MYO10: variants seen among roughly 807,000 people sequenced by gnomAD.
MYO10 encodes unconventional myosin-X.
In MYO10, 133 loss-of-function variants were observed where a neutral mutation model predicts 257.3. The ratio of observed to expected loss-of-function variants is 0.52; its 90% CI spans 0.45 to 0.60. The LOEUF (loss-of-function observed/expected upper bound fraction) is 0.60, where lower values mean the gene tolerates loss of function less well. MYO10 is among the 20% of genes least tolerant of loss of function. The probability of loss-of-function intolerance (pLI) is 0.00; values close to 1 mark genes in which losing one functional copy is unlikely to be tolerated. For missense variants in MYO10, 2,399 were observed against 2,635.7 expected, an observed-to-expected ratio of 0.91 and a Z score of 1.97; for synonymous variants, 1,104 against 1,028.6, an observed-to-expected ratio of 1.07 and a Z score of -1.40.
intron 1 of MYO10, among the ~76,000 whole-genome samples, chr5:16,904,884 A>G (rs959770028): frequency 1.3e-5 from 2 of 151,632 alleles, no homozygotes; most frequent in Non-Finnish European, 2.9e-5. Context: ...AGCCGAGATC[A>G]CACCACTGCA....
At chr5:16,784,101 C>G (rs1031392912) in intron 4 of MYO10, among the ~76,000 whole-genome samples, 5 of 152,084 alleles carry the variant, frequency 3.3e-5, no homozygotes, top group African/African-American at 4.8e-5. Flanking sequence ...AACAAAAAAT[C>G]CAGAGGGAAG....
At chr5:16,711,773 CAAAAAGAA>C (rs751767854) in intron 19 of MYO10, among the ~76,000 whole-genome samples, 35 of 148,952 alleles carry the variant, frequency 2.3e-4, no homozygotes, top group Middle Eastern at 3.5e-3. Context: ...TCTCAAAAAA[CAAAAAGAA>C]AAAAAGAAAA....
intron 1 of MYO10, among the ~76,000 whole-genome samples, chr5:16,914,374 C>T (rs980181594): frequency 1.3e-5 from 2 of 152,150 alleles, no homozygotes; most frequent in Non-Finnish European, 2.9e-5. Context: ...ACTAAGAAGC[C>T]TGCAAGCCCA....
At chr5:16,724,963 C>T (rs140669032) in intron 19 of MYO10, among the ~76,000 whole-genome samples, 49 of 151,978 alleles carry the variant, frequency 3.2e-4, no homozygotes, top group Admixed American at 7.9e-4. Context: ...GATAAATACA[C>T]GCACTGCTTT....
At chr5:16,863,949 T>C (rs866803881) in intron 2 of MYO10, among the ~76,000 whole-genome samples, 12 of 152,104 alleles carry the variant, frequency 7.9e-5, no homozygotes, top group Non-Finnish European at 1.0e-4. Flanking sequence ...TATACAAAAA[T>C]TAGCCAGGCT....
intron 11 of MYO10, among the ~76,000 whole-genome samples, 171 bp downstream of exon 11, chr5:16,765,909 T>C (rs1053939724): frequency 2.6e-5 from 4 of 152,224 alleles, no homozygotes; most frequent in African/African-American, 9.6e-5. Context: ...GCTTTGTCTA[T>C]TCCCAATCCT....
chr5:16,682,117 G>A lies in MYO10; in HGVS notation c.4047-104C>T, dbSNP rs117968407. ...GCCTTCTTCCTGGCTTCTGGGTCAC[G>A]GGATATACACTGCTAGGCTATCTGT... On this transcript the variant is annotated intron_variant, in intron 30 of 40. Transcript: ENST00000513610. 6.6e-4 allele frequency: 907 copies of A among 1,367,398 alleles called. 2 individuals are homozygous for A. The East Asian group carries it at 7.4e-3, about 11-fold the overall frequency. The allele number at this position is 1,367,398 out of a possible 1,614,324, so 84.7% of individuals were successfully genotyped here. A position where few individuals can be genotyped will look rare whatever the true frequency, so the allele number is the denominator to read the frequency against.
At chr5:16,915,486 C>T (rs898748704) in intron 1 of MYO10, among the ~76,000 whole-genome samples, 7 of 152,162 alleles carry the variant, frequency 4.6e-5, no homozygotes, top group African/African-American at 1.7e-4. Flanking sequence ...TGGTGTCCTC[C>T]GCATCCCCCT....
chr5:16,744,106 ATC>A, intron 19 of MYO10, among the ~76,000 whole-genome samples: 1 of 152,348 alleles, frequency 6.6e-6, no homozygotes, highest in South Asian at 2.1e-4. Flanking sequence ...CCTTATGACA[ATC>A]TGTCAGAAGT....
rs12516826 is a variant in MYO10, at chr5:16,735,558, T to C, written c.1929+19270A>G. On this transcript the variant is annotated intron_variant, in intron 19 of 40. Coordinates refer to ENST00000513610, the MANE Select transcript of MYO10 (RefSeq NM_012334.3). ...CATTTCCACCAAAAATAAACAAAAT[T>C]AGCTGGGTATGGTAGTGCATACTTG... Among the ~76,000 whole-genome samples, 869 of 151,786 alleles carry C rather than the reference T, an allele frequency of 5.7e-3. 22 individuals are homozygous for C. Among genetic ancestry groups the C allele is most frequent in the Admixed American group, 0.046 (694 of 15,212 alleles).
At chr5:16,828,742 T>A (rs1441185394) in intron 2 of MYO10, among the ~76,000 whole-genome samples, 4 of 151,984 alleles carry the variant, frequency 2.6e-5, no homozygotes. Flanking sequence ...TGTTTTGTTT[T>A]GTTTTGTTTT....
chr5:16,698,689 T>C (rs1211574038), intron 26 of MYO10, among the ~76,000 whole-genome samples: 1 of 145,712 alleles, frequency 6.9e-6, no homozygotes, highest in Non-Finnish European at 1.5e-5. Flanking sequence ...AGTGGCGCGA[T>C]CTCGGCTCAC....
At chr5:16,718,880 G>T (rs1038521309) in intron 19 of MYO10, among the ~76,000 whole-genome samples, 2 of 151,682 alleles carry the variant, frequency 1.3e-5, no homozygotes, top group Non-Finnish European at 2.9e-5. Flanking sequence ...TGATGGGGAC[G>T]TGGAGAACCT....
At chr5:16,811,785 A>C (rs183666160) in intron 3 of MYO10, among the ~76,000 whole-genome samples, 1 of 152,224 alleles carries the variant, frequency 6.6e-6, no homozygotes, top group East Asian at 1.9e-4. Flanking sequence ...TCATGGGCTC[A>C]AGCGATCCTC....
intron 40 of MYO10, 60 bp from the exon 41 acceptor site, chr5:16,666,853 T>G: frequency 3.7e-6 from 5 of 1,335,188 alleles, no homozygotes; most frequent in Admixed American, 2.0e-5. Flanking sequence ...CAAAGGGCCC[T>G]GCCTAATAAT....
chr5:16,902,701 G>A, intron 1 of MYO10: 1 of 859,580 alleles, frequency 1.2e-6, no homozygotes, highest in South Asian at 1.3e-5. Context: ...GTGGAGATGG[G>A]GTTTCAGTCA....
intron 2 of MYO10, among the ~76,000 whole-genome samples, chr5:16,874,833 C>G (rs1464458004): frequency 6.6e-6 from 1 of 152,126 alleles, no homozygotes; most frequent in Admixed American, 6.5e-5. Context: ...AGTATCCATG[C>G]CTGGTACCAA....
At chr5:16,764,005 G>A (rs576447346) in intron 12 of MYO10, among the ~76,000 whole-genome samples, 30 of 151,972 alleles carry the variant, frequency 2.0e-4, no homozygotes, top group African/African-American at 6.3e-4. Context: ...AAAATTAGCC[G>A]GCTGTGGTGG....
In MYO10 at chr5:16,754,926, T is replaced by C. The variant is rs1408007434; in HGVS notation, c.1849-18A>G. ...AGTGAGTCCTATTAGAAAAAGTATA[T>C]GTTGATTTAGTCTCTTATTATGTCA... On this transcript the variant is annotated intron_variant, in intron 18 of 40. Transcript: ENST00000513610. The C allele has an allele frequency of 6.6e-7, 1 of 1,515,646 alleles. No individual in the cohort carries two copies. The highest frequency in any genetic ancestry group is 1.7e-4 in the Middle Eastern group (1 of 5,826). The allele number at this position is 1,515,646 out of a possible 1,614,324, so 93.9% of individuals were successfully genotyped here. A position where few individuals can be genotyped will look rare whatever the true frequency, so the allele number is the denominator to read the frequency against.
Sources: gnomAD v4.1 joint callset for allele counts (sites outside exome capture counted in the v4.1 genomes callset) on GRCh38, gnomAD v4.1.1 for gene constraint, MANE v1.5 for transcripts, NCBI Gene and HGNC (gene_info 2026-07-23, HGNC 2026-07-21) for gene names.